Variants in UVSSA observed in about 807,000 individuals in gnomAD.
UVSSA encodes the protein UV stimulated scaffold protein A.
In UVSSA, 72 loss-of-function variants were observed where a neutral mutation model predicts 73.9. The ratio of observed to expected loss-of-function variants is 0.97; its 90% CI spans 0.81 to 1.19. The LOEUF (loss-of-function observed/expected upper bound fraction) is 1.19. Among genes scored for constraint, UVSSA ranks in the 50% most tolerant of loss-of-function variants. The probability of loss-of-function intolerance (pLI) is 0.00; values close to 1 mark genes in which losing one functional copy is unlikely to be tolerated. For synonymous variants in UVSSA, 454 were observed against 391.3 expected (o/e 1.16, Z -1.89); for missense variants, 1,150 against 965.0 (o/e 1.19, Z -2.54).
chr4:1,370,983 T>G (rs1717958872), intron 8 of UVSSA, among the ~76,000 whole-genome samples: 1 of 152,216 alleles, frequency 6.6e-6, no homozygotes, highest in South Asian at 2.1e-4. Flanking sequence ...CCCGGCGGCC[T>G]TGCAGTACCC....
chr4:1,349,898 G>A (rs778046949), intron 3 of UVSSA, 44 bp downstream of exon 3: 21 of 1,463,354 alleles, frequency 1.4e-5, no homozygotes, highest in South Asian at 2.8e-5. Context: ...GTTACCTGAC[G>A]TGAGGAGGGC....
Position 1,388,021 on chromosome 4 carries a change from G to A in UVSSA, c.*2060G>A, listed in dbSNP as rs551795176. ...AGAGATTGCTTTGGAATGTATTACC[G>A]TCTTAATATTAAATCTTCTGAGTCA... On this transcript the variant is annotated 3_prime_UTR_variant, in exon 14 of 14. Coordinates refer to ENST00000389851, the MANE Select transcript of UVSSA (RefSeq NM_020894.4). 53 of 150,502 alleles carry A rather than the reference G, an allele frequency of 3.5e-4. No homozygotes were observed. Among genetic ancestry groups the A allele is most frequent in the Admixed American group, 3.3e-4 (5 of 15,116 alleles). The allele number at this position is 150,502 out of a possible 1,614,324, so 9.3% of individuals were successfully genotyped here.
intron 8 of UVSSA, among the ~76,000 whole-genome samples, chr4:1,367,705 A>G (rs1229106147): frequency 2.0e-5 from 3 of 152,026 alleles, no homozygotes. Context: ...ATTCCGGACC[A>G]GGGTCCTGCG....
chr4:1,376,641 C>A (rs1348149632), intron 10 of UVSSA, among the ~76,000 whole-genome samples: 1 of 152,216 alleles, frequency 6.6e-6, no homozygotes, highest in Non-Finnish European at 1.5e-5. Flanking sequence ...CCTCTGCACC[C>A]CTCACCGCAC....
rs1713916323 is a variant in UVSSA at position 1,347,675 on chromosome 4, C to T, written c.-88C>T. ...CCTCCGTTAGGGCCGCCCCTGCTCTCCGGACGCGACTTTTCATTGGTCTCA... is the reference window on the plus strand; with the variant it reads ...CCTCCGTTAGGGCCGCCCCTGCTCTTCGGACGCGACTTTTCATTGGTCTCA... On this transcript the variant is annotated 5_prime_UTR_variant, in exon 1 of 14. Coordinates refer to ENST00000389851, the MANE Select transcript of UVSSA (RefSeq NM_020894.4). The T allele has an allele frequency of 1.2e-5, 2 of 166,074 alleles. No individual in the cohort carries two copies. The highest frequency in any genetic ancestry group is 1.8e-4 in the East Asian group (1 of 5,578). The allele number at this position is 166,074 out of a possible 1,614,324, so 10.3% of individuals were successfully genotyped here. A position where few individuals can be genotyped will look rare whatever the true frequency, so the allele number is the denominator to read the frequency against.
At chr4:1,384,007 C>T in intron 13 of UVSSA, 67 bp downstream of exon 13, 1 of 1,493,786 alleles carries the variant, frequency 6.7e-7, no homozygotes, top group Non-Finnish European at 8.9e-7. Flanking sequence ...CGAGGGGGGC[C>T]ATCTGAGCGC....
At chr4:1,348,233 G>C in intron 2 of UVSSA, 44 bp downstream of exon 2, 1 of 1,480,786 alleles carries the variant, frequency 6.8e-7, no homozygotes. Flanking sequence ...GGCCCACTGA[G>C]CCCAGGACAC....
chr4:1,354,881 G>A (rs763657241), intron 6 of UVSSA, 34 bp downstream of exon 6: 6 of 1,539,796 alleles, frequency 3.9e-6, no homozygotes, highest in Non-Finnish European at 4.4e-6. Flanking sequence ...TGGGTGGAGG[G>A]ACGTGTGCAG....
At chr4:1,354,641 G>A in intron 5 of UVSSA, 94 bp from the exon 6 acceptor site, 1 of 1,144,002 alleles carries the variant, frequency 8.7e-7, no homozygotes, top group Non-Finnish European at 1.3e-6. Context: ...TTCCCCTCAG[G>A]CTAGAGCAGC....
chr4:1,382,867 C>G (rs116789676), intron 12 of UVSSA, among the ~76,000 whole-genome samples: 1 of 152,324 alleles, frequency 6.6e-6, no homozygotes, highest in East Asian at 1.9e-4. Flanking sequence ...TCTGCAGGAG[C>G]GGGTGCCTCT....
At chr4:1,393,547 G>C (rs569834724) in exon 14 of UVSSA, 1 of 150,892 alleles carries the variant, frequency 6.6e-6, no homozygotes, top group African/African-American at 2.4e-5. Context: ...AGAGCGAGAC[G>C]CTTTCAAAAC....
intron 10 of UVSSA, among the ~76,000 whole-genome samples, chr4:1,376,574 C>T (rs981601883): frequency 6.6e-6 from 1 of 152,188 alleles, no homozygotes; most frequent in Non-Finnish European, 1.5e-5. Context: ...TGTGTCCAGA[C>T]CTCAGGCGGG....
intron 8 of UVSSA, chr4:1,375,140 C>T (rs1436958443): frequency 1.6e-6 from 1 of 642,052 alleles, no homozygotes; most frequent in Non-Finnish European, 2.7e-6. Flanking sequence ...CAAGGCGGGA[C>T]TGCCGGACCC....
At chr4:1,366,739 A>G (rs947985527) in intron 8 of UVSSA, among the ~76,000 whole-genome samples, 3 of 152,126 alleles carry the variant, frequency 2.0e-5, no homozygotes, top group Non-Finnish European at 4.4e-5. Flanking sequence ...GCAGGCCCTC[A>G]GGTGCCCGGG....
chr4:1,344,537 C>T (rs1466821417), upstream of UVSSA, among the ~76,000 whole-genome samples: 1 of 152,160 alleles, frequency 6.6e-6, no homozygotes, highest in Non-Finnish European at 1.5e-5. Context: ...GGCGACAGAG[C>T]AAGACTCTGT....
At chr4:1,365,993 C>G (rs1054099077) in intron 7 of UVSSA, 3 of 192,356 alleles carry the variant, frequency 1.6e-5, no homozygotes, top group African/African-American at 7.0e-5. Context: ...GGGGGCACCG[C>G]CGCCCTCGCA....
At chr4:1,344,500 G>A (rs1713541300), upstream of UVSSA, among the ~76,000 whole-genome samples, 1 of 151,626 alleles carries the variant, frequency 6.6e-6, no homozygotes. Flanking sequence ...GCAGTGAGCC[G>A]AGATCACACC....
chr4:1,380,362 C>T (rs775947032), intron 11 of UVSSA, 132 bp downstream of exon 11: 113 of 1,226,318 alleles, frequency 9.2e-5, no homozygotes, highest in Non-Finnish European at 1.2e-4. Flanking sequence ...ATGGAAGGGG[C>T]TTATCCGTGG....
intron 8 of UVSSA, among the ~76,000 whole-genome samples, chr4:1,373,301 C>T (rs777334977): frequency 3.3e-5 from 5 of 152,146 alleles, no homozygotes; most frequent in Non-Finnish European, 5.9e-5. Context: ...GTCTGATGTT[C>T]GAGGGCAGGA....
Sources: gnomAD v4.1 joint callset for allele counts (sites outside exome capture counted in the v4.1 genomes callset) on GRCh38, gnomAD v4.1.1 for gene constraint, MANE v1.5 for transcripts, NCBI Gene and HGNC (gene_info 2026-07-23, HGNC 2026-07-21) for gene names.